Variants in PLEKHM3 observed in about 807,000 individuals in gnomAD.
PLEKHM3 encodes pleckstrin homology domain-containing family M member 3.
PLEKHM3 carries 45 observed loss-of-function variants against 81.8 expected under a neutral mutation model. The ratio of observed to expected loss-of-function variants is 0.55; its 90% confidence interval spans 0.43 to 0.71. The LOEUF (loss-of-function observed/expected upper bound fraction) is 0.71. PLEKHM3 is among the 30% of genes least tolerant of loss of function. The pLI is 0.00. For synonymous variants in PLEKHM3, 352 were observed against 356.4 expected (o/e 0.99, Z 0.14); for missense variants, 788 against 924.3 (o/e 0.85, Z 1.91).
chr2:207,988,715 G>C (rs918235028), intron 2 of PLEKHM3, among the ~76,000 whole-genome samples: 1 of 152,016 alleles, frequency 6.6e-6, no homozygotes, highest in Non-Finnish European at 1.5e-5. Flanking sequence ...CCCCCTTATG[G>C]CTGAACCCGT....
At chr2:207,991,463 C>T (rs1691898066) in intron 2 of PLEKHM3, among the ~76,000 whole-genome samples, 1 of 152,132 alleles carries the variant, frequency 6.6e-6, no homozygotes, top group East Asian at 1.9e-4. Flanking sequence ...GGAAAGATGG[C>T]CTCTCCCCTG....
intron 6 of PLEKHM3, chr2:207,901,253 C>A (rs1409526221): frequency 1.4e-6 from 1 of 703,012 alleles, no homozygotes; most frequent in Admixed American, 2.0e-5. Context: ...TGCCGAGCTC[C>A]CCCGATCCTT....
intron 6 of PLEKHM3, among the ~76,000 whole-genome samples, chr2:207,904,137 A>G (rs1688528745): frequency 6.6e-6 from 1 of 152,214 alleles, no homozygotes; most frequent in South Asian, 2.1e-4. Context: ...TGGTCACTTC[A>G]AAAGCCACCA....
At chr2:207,982,921 G>T (rs941908146) in intron 2 of PLEKHM3, among the ~76,000 whole-genome samples, 1 of 151,808 alleles carries the variant, frequency 6.6e-6, no homozygotes, top group Non-Finnish European at 1.5e-5. Context: ...TTACTCTATT[G>T]TAAGAATACA....
intron 2 of PLEKHM3, among the ~76,000 whole-genome samples, chr2:207,999,129 C>T (rs1451119780): frequency 1.3e-5 from 2 of 151,998 alleles, no homozygotes; most frequent in South Asian, 2.1e-4. Context: ...ACTACAGGCA[C>T]GTGCCACCAA....
intron 5 of PLEKHM3, among the ~76,000 whole-genome samples, chr2:207,918,341 T>C (rs1689064856): frequency 6.6e-6 from 1 of 152,064 alleles, no homozygotes; most frequent in South Asian, 2.1e-4. Flanking sequence ...GCTAACACGG[T>C]GAAACCCCGT....
intron 6 of PLEKHM3, among the ~76,000 whole-genome samples, chr2:207,898,524 C>T (rs570276102): frequency 6.6e-5 from 10 of 152,260 alleles, no homozygotes; most frequent in African/African-American, 2.2e-4. Context: ...AAGGCTGAGG[C>T]GGGCAAATCA....
chr2:207,860,116 T>C (rs2092458743), intron 7 of PLEKHM3, among the ~76,000 whole-genome samples: 1 of 149,280 alleles, frequency 6.7e-6, no homozygotes, highest in East Asian at 2.0e-4. Flanking sequence ...ATAAGCTAAG[T>C]ACCTGCTCAG....
At chr2:207,875,748 G>A (rs952162234) in intron 6 of PLEKHM3, among the ~76,000 whole-genome samples, 3 of 152,058 alleles carry the variant, frequency 2.0e-5, no homozygotes, top group African/African-American at 7.3e-5. Flanking sequence ...TGAAGTGGGA[G>A]TATCCTTTGA....
At chr2:207,944,740 T>C (rs915068900) in intron 4 of PLEKHM3, among the ~76,000 whole-genome samples, 3 of 152,220 alleles carry the variant, frequency 2.0e-5, no homozygotes, top group African/African-American at 4.8e-5. Flanking sequence ...TCTTATTCCA[T>C]GCTCCAAGCA....
intron 1 of PLEKHM3, among the ~76,000 whole-genome samples, chr2:208,023,670 C>G (rs1693203420): frequency 6.6e-6 from 1 of 151,980 alleles, no homozygotes; most frequent in Admixed American, 6.6e-5. Flanking sequence ...TGAGGTGGAA[C>G]AGTTTCATCC....
intron 1 of PLEKHM3, among the ~76,000 whole-genome samples, chr2:208,009,611 C>T (rs1320918679): frequency 1.3e-5 from 2 of 152,176 alleles, no homozygotes; most frequent in African/African-American, 4.8e-5. Context: ...TATCAAGTAA[C>T]TTACCTGATA....
At position 208,024,825 on chromosome 2, in the gene PLEKHM3, C is replaced by A. The variant is rs569355347; in HGVS notation, c.-319+564G>T. Among the ~76,000 whole-genome samples, 17 of 152,334 alleles carry A rather than the reference C, an allele frequency of 1.1e-4. No individual in the cohort carries two copies. In the South Asian group the frequency reaches 3.5e-3, roughly 32 times the overall value. On this transcript the variant is annotated intron_variant, in intron 1 of 7. Transcript: ENST00000427836. Reference sequence around the variant, plus strand: ...TTGCTTTGCAAGGTATACATCCAGACCAGTCTCAATTTGTCATCCAAATAT... The same window carrying A: ...TTGCTTTGCAAGGTATACATCCAGAACAGTCTCAATTTGTCATCCAAATAT...
intron 6 of PLEKHM3, among the ~76,000 whole-genome samples, chr2:207,903,200 C>G (rs1463310732): frequency 6.6e-6 from 1 of 152,130 alleles, no homozygotes. Flanking sequence ...ATTTATTTTT[C>G]TTGGGTAATA....
chr2:207,883,307 C>T (rs141973754), intron 6 of PLEKHM3, among the ~76,000 whole-genome samples: 9 of 152,268 alleles, frequency 5.9e-5, no homozygotes, highest in East Asian at 1.9e-4. Context: ...GACTAGGCAT[C>T]AAAACATCAG....
At chr2:207,951,449 C>T (rs1377630157) in intron 3 of PLEKHM3, among the ~76,000 whole-genome samples, 1 of 152,112 alleles carries the variant, frequency 6.6e-6, no homozygotes, top group African/African-American at 2.4e-5. Flanking sequence ...TACATTCTTC[C>T]CAGACTCTTT....
intron 6 of PLEKHM3, among the ~76,000 whole-genome samples, chr2:207,864,394 G>A (rs2092484639): frequency 6.6e-6 from 1 of 152,160 alleles, no homozygotes; most frequent in Non-Finnish European, 1.5e-5. Flanking sequence ...AATGCGTGAT[G>A]GGGTTATTTC....
intron 6 of PLEKHM3, among the ~76,000 whole-genome samples, chr2:207,886,696 T>C (rs1367005387): frequency 1.3e-5 from 2 of 152,176 alleles, no homozygotes; most frequent in African/African-American, 4.8e-5. Flanking sequence ...TTCTGTTTGA[T>C]TTAACCTGAA....
intron 3 of PLEKHM3, 54 bp from the exon 4 acceptor site, chr2:207,946,566 A>G: frequency 6.3e-7 from 1 of 1,587,820 alleles, no homozygotes; most frequent in Non-Finnish European, 8.6e-7. Context: ...TTAACACTAC[A>G]GAACAAGGTT....
Sources: gnomAD v4.1 joint callset for allele counts (sites outside exome capture counted in the v4.1 genomes callset) on GRCh38, gnomAD v4.1.1 for gene constraint, MANE v1.5 for transcripts, NCBI Gene and HGNC (gene_info 2026-07-23, HGNC 2026-07-21) for gene names.